The following GPRIN3 variants were observed in gnomAD, a reference collection of about 807,000 sequenced individuals.
GPRIN3 encodes the protein G protein-regulated inducer of neurite outgrowth 3.
A neutral mutation model predicts 13.7 loss-of-function variants in GPRIN3; 12 were observed. The observed-to-expected ratio is 0.87, with a 90% confidence interval of 0.56 to 1.42. The LOEUF is 1.42. GPRIN3 is among the 40% of genes most tolerant of loss of function. The pLI is 0.00. For missense variants in GPRIN3, 1,009 were observed against 958.7 expected (o/e 1.05, Z -0.69); for synonymous variants, 377 against 372.7 (o/e 1.01, Z -0.13).
chr4:89,301,683 C>T (rs1269784611), intron 1 of GPRIN3, among the ~76,000 whole-genome samples: 1 of 152,216 alleles, frequency 6.6e-6, no homozygotes, highest in East Asian at 1.9e-4. Context: ...GATTATTCTT[C>T]ATAAACCAGA....
At chr4:89,295,830 T>TA (rs568904682) in intron 1 of GPRIN3, among the ~76,000 whole-genome samples, 148 of 152,280 alleles carry the variant, frequency 9.7e-4, no homozygotes, top group African/African-American at 3.4e-3. Context: ...ATGTGCTTCC[T>TA]ATCTAAACCA....
At position 89,248,277 on chromosome 4, in the gene GPRIN3, T is replaced by C. The variant is rs1319792454; in HGVS notation, c.1834A>G (p.Met612Val). The change falls in exon 2 of 2, where the codon ATG becomes GTG. Residue 612 changes from methionine (M) to valine (V), a missense_variant. Met to Val is a conservative substitution (Grantham distance 21). Transcript: ENST00000609438. ...CCAGAACCTGGGCTGGAGTCACCCA[T>C]GGGATCAGATGGCAGGCTCAGGCTG... ...ATSLSLPSDP[M>V]GDSSPGSGKK... 2.5e-6 allele frequency: 4 copies of C among 1,614,002 alleles called. No homozygotes were observed. The highest frequency in any genetic ancestry group is 1.3e-5 in the African/African-American group (1 of 74,926).
At chr4:89,273,250 C>G (rs997868442) in intron 1 of GPRIN3, among the ~76,000 whole-genome samples, 88 of 152,140 alleles carry the variant, frequency 5.8e-4, no homozygotes, top group Non-Finnish European at 7.3e-5. Context: ...AATATTACAT[C>G]AATTTAGAAT....
chr4:89,291,119 G>A (rs1424377770), intron 1 of GPRIN3, among the ~76,000 whole-genome samples: 1 of 152,056 alleles, frequency 6.6e-6, no homozygotes, highest in African/African-American at 2.4e-5. Context: ...TCCATAGCCT[G>A]CTTTTCTGAC....
chr4:89,238,348 G>A lies in GPRIN3; in HGVS notation c.*9432C>T, dbSNP rs556310584. On this transcript the variant is annotated 3_prime_UTR_variant, in exon 2 of 2. Coordinates refer to ENST00000609438, the MANE Select transcript of GPRIN3 (RefSeq NM_198281.3). ...TTACTACTGGTCAAGTCAAACTGGGGATATGGCTGGGCTTTCCATCTCCTT... is the reference window on the plus strand; with the variant it reads ...TTACTACTGGTCAAGTCAAACTGGGAATATGGCTGGGCTTTCCATCTCCTT... 7.9e-5 allele frequency: 12 copies of A among 152,164 alleles called. 1 individual carries two copies. The highest frequency in any genetic ancestry group is 1.5e-4 in the Non-Finnish European group (10 of 68,048). 9.4% of individuals were successfully genotyped at this position (152,164 alleles called of 1,614,324 possible). A position where few individuals can be genotyped will look rare whatever the true frequency, so the allele number is the denominator to read the frequency against.
chr4:89,267,176 C>A (rs1358060900), intron 1 of GPRIN3, among the ~76,000 whole-genome samples: 1 of 152,100 alleles, frequency 6.6e-6, no homozygotes, highest in Non-Finnish European at 1.5e-5. Flanking sequence ...AGATTCCTAC[C>A]AAGTCGAACC....
Position 89,244,057 on chromosome 4 carries a change from A to G in GPRIN3, c.*3723T>C, listed in dbSNP as rs1316900985. The G allele has an allele frequency of 1.3e-5, 2 of 152,216 alleles. No homozygotes were observed. The highest frequency in any genetic ancestry group is 2.9e-5 in the Non-Finnish European group (2 of 68,036). The allele number at this position is 152,216 out of a possible 1,614,324, so 9.4% of individuals were successfully genotyped here. ...TGTAAACACATTTTAAAGTAACATC[A>G]TACTCTGTTCTTGGTATGCTATATA... On this transcript the variant is annotated 3_prime_UTR_variant, in exon 2 of 2. Coordinates refer to ENST00000609438, the MANE Select transcript of GPRIN3 (RefSeq NM_198281.3).
intron 1 of GPRIN3, among the ~76,000 whole-genome samples, chr4:89,291,920 A>G (rs1005759862): frequency 1.4e-5 from 2 of 139,594 alleles, no homozygotes; most frequent in African/African-American, 2.7e-5. Context: ...AAATATTTCT[A>G]TTTTGATACT....
intron 1 of GPRIN3, among the ~76,000 whole-genome samples, chr4:89,288,310 G>C (rs2110011577): frequency 6.6e-6 from 1 of 152,286 alleles, no homozygotes; most frequent in East Asian, 1.9e-4. Context: ...AATATAATCA[G>C]TATGACACAA....
In GPRIN3 at chr4:89,247,915, C is replaced by T. The variant is rs761846912; in HGVS notation, c.2196G>A (p.Arg732=). 3 of 1,614,180 alleles carry T rather than the reference C, an allele frequency of 1.9e-6. No homozygotes were observed. The highest frequency in any genetic ancestry group is 3.3e-5 in the Admixed American group (2 of 60,020). Residue 732 remains arginine (R), a synonymous_variant, in exon 2 of 2, where the codon CGG becomes CGA. Transcript: ENST00000609438. ...KLIKTQNSQT[R]RSISSDTSSN... ...AAGAAGTATCTGAGGAAATGGATCTCCGGGTCTGGCTATTTTGAGTTTTGA... is the reference window on the plus strand; with the variant it reads ...AAGAAGTATCTGAGGAAATGGATCTTCGGGTCTGGCTATTTTGAGTTTTGA...
At chr4:89,252,780 G>C (rs1187301482) in intron 1 of GPRIN3, among the ~76,000 whole-genome samples, 1 of 151,976 alleles carries the variant, frequency 6.6e-6, no homozygotes, top group South Asian at 2.1e-4. Flanking sequence ...AACCATTTCT[G>C]TAGGTTTCTA....
At chr4:89,273,258 A>T (rs1724007873) in intron 1 of GPRIN3, among the ~76,000 whole-genome samples, 2 of 152,218 alleles carry the variant, frequency 1.3e-5, no homozygotes, top group Non-Finnish European at 2.9e-5. Flanking sequence ...ATCAATTTAG[A>T]ATGTAACATT....
chr4:89,292,029 T>C (rs576754796), intron 1 of GPRIN3, among the ~76,000 whole-genome samples: 1 of 152,294 alleles, frequency 6.6e-6, no homozygotes, highest in East Asian at 1.9e-4. Context: ...GAAAAACTCT[T>C]AGTCATCTTT....
Position 89,248,708 on chromosome 4 carries a change from A to T in GPRIN3, c.1403T>A (p.Ile468Asn), listed in dbSNP as rs1448950034. 1 of 1,614,054 alleles carries T rather than the reference A, an allele frequency of 6.2e-7. No homozygotes were observed. Among genetic ancestry groups the T allele is most frequent in the African/African-American group, 1.3e-5 (1 of 74,928 alleles). ...TNSSSLKATA[I>N]DQISISACSQ... ...GCATGCACTGATAGAAATCTGGTCA[A>T]TGGCGGTAGCTTTCAGGGAGCTAGA... Residue 468 changes from isoleucine (I) to asparagine (N), a missense_variant, in exon 2 of 2, where the codon ATT becomes AAT. By Grantham distance (149) the Ile-to-Asn change is moderately radical. Coordinates refer to ENST00000609438, the MANE Select transcript of GPRIN3 (RefSeq NM_198281.3).
chr4:89,249,872 G>C lies in GPRIN3; in HGVS notation c.239C>G (p.Ser80Cys), dbSNP rs191570288. The change falls in exon 2 of 2, where the codon TCT (serine) becomes TGT (cysteine). Residue 80 changes from serine to cysteine, a missense_variant. Ser to Cys is a moderately radical substitution (Grantham distance 112, BLOSUM62 -1). Transcript: ENST00000609438. Reference protein sequence around the residue: ...EHETTQPDMSSPGVFNEVQKA... With the variant: ...EHETTQPDMSCPGVFNEVQKA... ...CTGCACTTCATTGAACACACCAGGAGAAGACATATCTGGTTGGGTGGTCTC... is the reference window on the plus strand; with the variant it reads ...CTGCACTTCATTGAACACACCAGGACAAGACATATCTGGTTGGGTGGTCTC... The C allele has an allele frequency of 1.2e-5, 20 of 1,614,240 alleles. No homozygotes were observed. The African/African-American group carries it at 2.4e-4, about 19-fold the overall frequency.
At chr4:89,290,421 G>C (rs1312663025) in intron 1 of GPRIN3, among the ~76,000 whole-genome samples, 3 of 152,078 alleles carry the variant, frequency 2.0e-5, no homozygotes, top group African/African-American at 7.2e-5. Flanking sequence ...GAGCAATAGT[G>C]TATCAGGGAC....
chr4:89,258,969 C>T (rs1723554600), intron 1 of GPRIN3, among the ~76,000 whole-genome samples: 1 of 152,170 alleles, frequency 6.6e-6, no homozygotes, highest in Non-Finnish European at 1.5e-5. Context: ...ATATAATAAA[C>T]AATCGTGAGT....
At chr4:89,307,412 A>G (rs1725063974) in intron 1 of GPRIN3, among the ~76,000 whole-genome samples, 1 of 152,104 alleles carries the variant, frequency 6.6e-6, no homozygotes, top group South Asian at 2.1e-4. Context: ...AAAGAGAGCA[A>G]TGACCTTGCA....
In GPRIN3 at chr4:89,249,384, C is replaced by T. The variant is rs772088938; in HGVS notation, c.727G>A (p.Gly243Arg). ...GAGGGCTGCTTGTTCTCTGAACATC[C>T]AGATTCTCTAGTTAGAGGTTTACAG... Reference protein sequence around the residue: ...RSCKPLTRESGCSENKQPSVT... With the variant: ...RSCKPLTRESRCSENKQPSVT... The change falls in exon 2 of 2, where the codon GGA (glycine) becomes AGA (arginine). Residue 243 changes from glycine (G) to arginine (R), a missense_variant. Coordinates refer to ENST00000609438, the MANE Select transcript of GPRIN3 (RefSeq NM_198281.3). 50 of 1,614,132 alleles carry T rather than the reference C, an allele frequency of 3.1e-5. 1 individual carries two copies. In the South Asian group the frequency reaches 5.4e-4, roughly 17 times the overall value.
Sources: gnomAD v4.1 joint callset for allele counts (sites outside exome capture counted in the v4.1 genomes callset) on GRCh38, gnomAD v4.1.1 for gene constraint, MANE v1.5 for transcripts, NCBI Gene and HGNC (gene_info 2026-07-23, HGNC 2026-07-21) for gene names.